Variants in POTEE observed in about 807,000 individuals in gnomAD.
POTEE encodes the protein ANKRD26-like family C member 1A.
Under a neutral mutation model 74.2 loss-of-function variants are expected in POTEE, and 21 were observed. The observed-to-expected ratio is 0.28, with a 90% CI of 0.20 to 0.41. The LOEUF is 0.41. POTEE is among the 10% of genes least tolerant of loss of function. The pLI is 1.00. For missense variants in POTEE, 525 were observed against 1,158.6 expected (o/e 0.45, Z 7.94); for synonymous variants, 211 against 432.8 (o/e 0.49, Z 6.36).
intron 9 of POTEE, among the ~76,000 whole-genome samples, chr2:131,231,621 T>G (rs1700962508): frequency 6.6e-6 from 1 of 152,058 alleles, no homozygotes; most frequent in South Asian, 2.1e-4. Context: ...AGAGATATAT[T>G]TACTTTGTTG....
intron 2 of POTEE, among the ~76,000 whole-genome samples, chr2:131,211,431 C>T (rs1700354771): frequency 7.0e-6 from 1 of 143,574 alleles, no homozygotes; most frequent in African/African-American, 2.5e-5. Context: ...AGTCCTCCCC[C>T]TTCTCTTGCA....
intron 2 of POTEE, among the ~76,000 whole-genome samples, chr2:131,214,814 C>T (rs1370622608): frequency 2.0e-5 from 3 of 151,422 alleles, no homozygotes; most frequent in Admixed American, 6.6e-5. Context: ...GTTTTGTTTA[C>T]CTGGTTTGGA....
chr2:131,212,792 G>A (rs1370056680), intron 2 of POTEE, among the ~76,000 whole-genome samples: 2 of 149,728 alleles, frequency 1.3e-5, no homozygotes, highest in South Asian at 2.1e-4. Context: ...TTGAACTCCC[G>A]ACTTCAAGTG....
At chr2:131,230,290 A>G (rs1056339029) in intron 8 of POTEE, among the ~76,000 whole-genome samples, 7 of 152,216 alleles carry the variant, frequency 4.6e-5, no homozygotes, top group African/African-American at 1.7e-4. Flanking sequence ...GAAAACTACA[A>G]CATTTGTATA....
At chr2:131,258,659 G>T (rs1394963220) in intron 16 of POTEE, among the ~76,000 whole-genome samples, 1 of 143,966 alleles carries the variant, frequency 6.9e-6, no homozygotes, top group East Asian at 2.1e-4. Context: ...TAAAAATGAA[G>T]AAAATTTACG....
intron 1 of POTEE, among the ~76,000 whole-genome samples, 185 bp downstream of exon 1, chr2:131,210,004 G>C (rs1199774456): frequency 8.2e-6 from 1 of 121,754 alleles, no homozygotes; most frequent in Non-Finnish European, 1.7e-5. Flanking sequence ...TGCCCGTGGT[G>C]GCGGGGGTGG....
At chr2:131,262,779 T>G (rs578148612) in intron 17 of POTEE, among the ~76,000 whole-genome samples, 2 of 152,408 alleles carry the variant, frequency 1.3e-5, no homozygotes, top group East Asian at 3.9e-4. Context: ...GTGCTTAGAT[T>G]TGACAGTTAT....
chr2:131,220,697 T>TA (rs1429550368), intron 4 of POTEE, among the ~76,000 whole-genome samples: 8 of 152,046 alleles, frequency 5.3e-5, no homozygotes, highest in East Asian at 1.9e-4. Context: ...TACAGTGGCT[T>TA]ACGCCCGTTA....
intron 4 of POTEE, among the ~76,000 whole-genome samples, chr2:131,219,469 GGT>G (rs1196018141): frequency 1.3e-5 from 2 of 151,968 alleles, no homozygotes; most frequent in African/African-American, 2.4e-5. Flanking sequence ...GGCTGGGCGC[GGT>G]GGCTCACGCC....
chr2:131,217,137 GTTC>G (rs1700460400), intron 2 of POTEE, among the ~76,000 whole-genome samples: 2 of 142,860 alleles, frequency 1.4e-5, no homozygotes, highest in Non-Finnish European at 3.0e-5. Context: ...TAAACAAAAA[GTTC>G]TTCATTTTAT....
intron 12 of POTEE, among the ~76,000 whole-genome samples, chr2:131,243,668 T>A (rs1701296716): frequency 6.8e-6 from 1 of 147,384 alleles, no homozygotes; most frequent in African/African-American, 2.4e-5. Flanking sequence ...GATCATGAGG[T>A]CAGGAGGTGG....
At chr2:131,221,191 A>G (rs868222589) in intron 4 of POTEE, among the ~76,000 whole-genome samples, 12 of 152,232 alleles carry the variant, frequency 7.9e-5, no homozygotes, top group Non-Finnish European at 1.8e-4. Context: ...TTTTCTTAGT[A>G]TTGATTAAAA....
At chr2:131,223,110 A>G (rs1236412000) in intron 4 of POTEE, among the ~76,000 whole-genome samples, 3 of 151,698 alleles carry the variant, frequency 2.0e-5, no homozygotes, top group African/African-American at 4.9e-5. Flanking sequence ...AAGTGTAGGT[A>G]TAATTGTATC....
intron 2 of POTEE, among the ~76,000 whole-genome samples, chr2:131,217,244 AGTATACACT>A (rs199701041): frequency 0.019 from 2,363 of 126,892 alleles, 8 homozygotes; most frequent in African/African-American, 0.04. Flanking sequence ...ACACCTGTGC[AGTATACACT>A]GTATACACTG....
At chr2:131,232,699 C>T (rs944478303) in intron 9 of POTEE, among the ~76,000 whole-genome samples, 2 of 150,628 alleles carry the variant, frequency 1.3e-5, no homozygotes, top group Non-Finnish European at 2.9e-5. Flanking sequence ...CAGTAGGAAC[C>T]AGAGTTGTTT....
At position 131,218,828 on chromosome 2, in the gene POTEE, G is replaced by C; in HGVS notation, c.426G>C (p.Lys142Asn). The change falls in exon 4 of 18, where the codon AAG becomes AAC. Residue 142 changes from lysine to asparagine, a missense_variant. By Grantham distance (94) the Lys-to-Asn change is moderately conservative. Transcript: ENST00000683005. Reference protein sequence around the residue: ...RYHVRGEDLDKLHRAAWWGKV... With the variant: ...RYHVRGEDLDNLHRAAWWGKV... ...ACGTCCGTGGAGAAGATCTGGACAAGCTCCACAGAGCTGCCTGGTGGGGTA... is the reference window on the plus strand; with the variant it reads ...ACGTCCGTGGAGAAGATCTGGACAACCTCCACAGAGCTGCCTGGTGGGGTA... 2 of 1,612,808 alleles carry C rather than the reference G, an allele frequency of 1.2e-6. No homozygotes were observed. The highest frequency in any genetic ancestry group is 1.7e-6 in the Non-Finnish European group (2 of 1,179,894).
chr2:131,226,761 T>G (rs1341916436), intron 6 of POTEE, 62 bp from the exon 7 acceptor site: 29 of 1,607,702 alleles, frequency 1.8e-5, no homozygotes, highest in Non-Finnish European at 2.4e-5. Context: ...AAGTTTCCAC[T>G]TTGGTTGAGG....
At chr2:131,237,114 T>C (rs1168445978) in intron 10 of POTEE, among the ~76,000 whole-genome samples, 7 of 152,064 alleles carry the variant, frequency 4.6e-5, no homozygotes, top group Admixed American at 4.6e-4. Flanking sequence ...TAGCTAATCT[T>C]TCCTTTTGGA....
intron 6 of POTEE, among the ~76,000 whole-genome samples, chr2:131,225,088 G>A (rs1001460718): frequency 1.8e-4 from 28 of 152,284 alleles, no homozygotes; most frequent in African/African-American, 6.5e-4. Flanking sequence ...GGTCATGTGG[G>A]TGAGAAATGA....
Sources: allele counts gnomAD v4.1 joint callset (sites outside exome capture counted in the v4.1 genomes callset), GRCh38; gene constraint gnomAD v4.1.1; transcripts MANE v1.5; gene names NCBI Gene and HGNC (gene_info 2026-07-23, HGNC 2026-07-21).